The following EYS variants were observed in gnomAD, a reference collection of about 807,000 sequenced individuals.
EYS encodes protein eyes shut homolog.
EYS carries 250 observed loss-of-function variants against 282.1 expected under a neutral mutation model. The observed-to-expected ratio is 0.89, with a 90% CI of 0.80 to 0.98. EYS has a LOEUF of 0.98. EYS is among the 50% of genes least tolerant of loss of function. The pLI is 0.00. For missense variants in EYS, 4,016 were observed against 3,709.0 expected (o/e 1.08, Z -2.15); for synonymous variants, 1,355 against 1,282.9 (o/e 1.06, Z -1.20).
intron 26 of EYS, among the ~76,000 whole-genome samples, chr6:64,553,229 T>C (rs12205418): frequency 0.55 from 82,873 of 151,926 alleles, 22,678 homozygotes; most frequent in South Asian, 0.65. Flanking sequence ...CAACAAAATG[T>C]AAAGCATTAA....
At chr6:64,471,143 C>A (rs994994247) in intron 26 of EYS, among the ~76,000 whole-genome samples, 3 of 151,772 alleles carry the variant, frequency 2.0e-5, no homozygotes, top group Non-Finnish European at 4.4e-5. Flanking sequence ...ATTTAAGTAC[C>A]AAAAGAAAAA....
intron 31 of EYS, among the ~76,000 whole-genome samples, chr6:64,156,192 G>T (rs1302749161): frequency 2.0e-5 from 3 of 151,976 alleles, no homozygotes; most frequent in African/African-American, 7.3e-5. Context: ...TTTGAATCAT[G>T]GGGGTGGTTT....
intron 2 of EYS, among the ~76,000 whole-genome samples, chr6:65,539,755 T>C (rs1328718686): frequency 6.6e-6 from 1 of 152,210 alleles, no homozygotes; most frequent in Non-Finnish European, 1.5e-5. Flanking sequence ...ATGAAAACTA[T>C]GTTCTTTGAA....
At chr6:65,513,960 G>T (rs1298297085) in intron 2 of EYS, among the ~76,000 whole-genome samples, 1 of 152,066 alleles carries the variant, frequency 6.6e-6, no homozygotes, top group Non-Finnish European at 1.5e-5. Flanking sequence ...GCAGGAGAAG[G>T]AAATCAAGGG....
intron 16 of EYS, among the ~76,000 whole-genome samples, chr6:64,903,199 T>C (rs1403667945): frequency 6.6e-6 from 1 of 152,130 alleles, no homozygotes; most frequent in Admixed American, 6.6e-5. Flanking sequence ...TATAACAAAA[T>C]ATATGTGTAA....
chr6:65,576,813 T>A (rs191017625), intron 2 of EYS, among the ~76,000 whole-genome samples: 2 of 151,868 alleles, frequency 1.3e-5, no homozygotes, highest in East Asian at 3.9e-4. Flanking sequence ...AAAAATAAGA[T>A]TATTCACCAC....
chr6:64,813,402 C>G lies in EYS; in HGVS notation c.3419G>C (p.Gly1140Ala), dbSNP rs995707027. The stretch of plus-strand genomic sequence containing the variant: ...CCTGCAGTCAAAAGTATGTCCAGGC[C>G]CATCAACACAGATCCCTCCATTAAG... ...ICLNGGICVD[G>A]PGHTFDCRCL... The change falls in exon 22 of 43, where the codon GGG becomes GCG. Residue 1140 changes from glycine (G) to alanine (A), a missense_variant. Physicochemically the swap from Gly to Ala is moderately conservative, Grantham distance 60. Transcript: ENST00000503581. The G allele has an allele frequency of 6.5e-7, 1 of 1,546,580 alleles. No homozygotes were observed. The highest frequency in any genetic ancestry group is 8.7e-7 in the Non-Finnish European group (1 of 1,144,296).
At chr6:65,677,325 G>A (rs776512988) in intron 1 of EYS, among the ~76,000 whole-genome samples, 27 of 151,714 alleles carry the variant, frequency 1.8e-4, no homozygotes, top group Non-Finnish European at 3.4e-4. Context: ...AAACACAATA[G>A]ATCTCATATA....
intron 30 of EYS, among the ~76,000 whole-genome samples, chr6:64,239,561 G>T (rs1472775638): frequency 6.6e-6 from 1 of 150,768 alleles, no homozygotes; most frequent in Non-Finnish European, 1.5e-5. Flanking sequence ...CTTTTGAGAA[G>T]TGTCTGTTCA....
At chr6:64,489,503 T>C (rs1776673037) in intron 26 of EYS, among the ~76,000 whole-genome samples, 1 of 148,194 alleles carries the variant, frequency 6.7e-6, no homozygotes, top group Non-Finnish European at 1.5e-5. Context: ...TATAAAAATT[T>C]ACTATAGATT....
At chr6:64,002,673 A>G (rs560175465) in intron 33 of EYS, among the ~76,000 whole-genome samples, 1 of 152,228 alleles carries the variant, frequency 6.6e-6, no homozygotes, top group South Asian at 2.1e-4. Flanking sequence ...GAATCTGGGA[A>G]CTTTCCTGCT....
At chr6:64,672,704 C>A (rs761841136) in intron 22 of EYS, among the ~76,000 whole-genome samples, 6 of 152,114 alleles carry the variant, frequency 3.9e-5, no homozygotes, top group Non-Finnish European at 8.8e-5. Flanking sequence ...GTGCCTTGGT[C>A]TTTTGAGTAC....
chr6:64,000,169 T>C (rs1472886873), intron 33 of EYS, among the ~76,000 whole-genome samples: 61 of 20,482 alleles, frequency 3.0e-3, no homozygotes, highest in African/African-American at 0.022. Flanking sequence ...GACATGGGAC[T>C]TTTTTTTTTT....
chr6:63,734,366 T>A (rs1394061348), intron 41 of EYS, among the ~76,000 whole-genome samples: 10 of 152,120 alleles, frequency 6.6e-5, no homozygotes, highest in Admixed American at 4.6e-4. Flanking sequence ...CAAGACTGTC[T>A]TATAAGAATG....
At chr6:65,106,123 T>G (rs1395240773) in intron 12 of EYS, among the ~76,000 whole-genome samples, 1 of 151,870 alleles carries the variant, frequency 6.6e-6, no homozygotes, top group Non-Finnish European at 1.5e-5. Flanking sequence ...TGGAGAAAAA[T>G]TAGACACAAA....
At chr6:64,505,427 T>C (rs1198255118) in intron 26 of EYS, among the ~76,000 whole-genome samples, 1 of 152,218 alleles carries the variant, frequency 6.6e-6, no homozygotes, top group African/African-American at 2.4e-5. Context: ...AGGTTAACAC[T>C]GCTTTCGTAT....
At chr6:64,089,707 G>T (rs9450769) in intron 31 of EYS, among the ~76,000 whole-genome samples, 5 of 151,918 alleles carry the variant, frequency 3.3e-5, no homozygotes, top group African/African-American at 1.2e-4. Context: ...AATTTGTTAA[G>T]TGCTGATAAA....
intron 28 of EYS, among the ~76,000 whole-genome samples, chr6:64,403,709 C>T (rs777185608): frequency 1.3e-5 from 2 of 152,100 alleles, no homozygotes; most frequent in Admixed American, 1.3e-4. Flanking sequence ...CTATCATGGG[C>T]AATCCTGAAA....
chr6:64,895,879 A>G (rs1767444271), intron 18 of EYS, among the ~76,000 whole-genome samples: 1 of 152,114 alleles, frequency 6.6e-6, no homozygotes, highest in Non-Finnish European at 1.5e-5. Flanking sequence ...TTTTAAAAGG[A>G]AATATAGGGA....
Sources: allele counts gnomAD v4.1 joint callset (sites outside exome capture counted in the v4.1 genomes callset), GRCh38; gene constraint gnomAD v4.1.1; transcripts MANE v1.5; gene names NCBI Gene and HGNC (gene_info 2026-07-23, HGNC 2026-07-21).